DPP10: variants seen among roughly 807,000 people sequenced by gnomAD.
DPP10 encodes dipeptidyl peptidase like 10.
Under a neutral mutation model 120.9 loss-of-function variants are expected in DPP10, and 33 were observed. The ratio of observed to expected loss-of-function variants is 0.27; its 90% CI spans 0.21 to 0.37. The LOEUF (loss-of-function observed/expected upper bound fraction) is 0.37, where lower values mean the gene tolerates loss of function less well. Ranked by LOEUF, DPP10 falls within the 10% of genes least tolerant of loss-of-function variation. The pLI, the probability that DPP10 is intolerant of heterozygous loss-of-function variation, is 1.00. For missense variants in DPP10, 816 were observed against 942.8 expected (o/e 0.87, Z 1.76); for synonymous variants, 337 against 326.1 (o/e 1.03, Z -0.36).
At chr2:115,628,852 C>T (rs2085589311) in intron 5 of DPP10, among the ~76,000 whole-genome samples, 1 of 151,544 alleles carries the variant, frequency 6.6e-6, no homozygotes, top group Non-Finnish European at 1.5e-5. Context: ...TTTTAGGGTA[C>T]ATGTGCACAA....
At chr2:115,338,871 A>G (rs1158620422) in intron 2 of DPP10, among the ~76,000 whole-genome samples, 1 of 152,202 alleles carries the variant, frequency 6.6e-6, no homozygotes, top group East Asian at 1.9e-4. Flanking sequence ...CATAGGAGAA[A>G]GTTTCAAGAC....
intron 2 of DPP10, among the ~76,000 whole-genome samples, chr2:115,339,122 C>T (rs868317296): frequency 3.9e-5 from 6 of 152,094 alleles, no homozygotes; most frequent in African/African-American, 1.2e-4. Flanking sequence ...AACACACCAA[C>T]GAAATAATTC....
chr2:115,048,697 A>G (rs1026283942), intron 1 of DPP10, among the ~76,000 whole-genome samples: 1 of 152,066 alleles, frequency 6.6e-6, no homozygotes, highest in East Asian at 1.9e-4. Flanking sequence ...ATTTTACATA[A>G]CAGTGCACTT....
chr2:114,811,063 C>T (rs1685130878), intron 1 of DPP10, among the ~76,000 whole-genome samples: 1 of 152,164 alleles, frequency 6.6e-6, no homozygotes, highest in South Asian at 2.1e-4. Flanking sequence ...TCTTCTAAGG[C>T]AGAACCAGCA....
intron 1 of DPP10, among the ~76,000 whole-genome samples, chr2:115,095,580 TTTTTG>T (rs775871050): frequency 1.9e-5 from 2 of 103,568 alleles, no homozygotes; most frequent in Non-Finnish European, 4.1e-5. Context: ...TTTGGTTTTT[TTTTTG>T]TTTTTTTTTT....
chr2:114,720,002 G>T (rs1038131450), intron 1 of DPP10, among the ~76,000 whole-genome samples: 3 of 152,118 alleles, frequency 2.0e-5, no homozygotes, highest in African/African-American at 7.2e-5. Flanking sequence ...ATTTGAGTTT[G>T]GTTAATGAAA....
At chr2:115,611,399 T>C (rs539895615) in intron 5 of DPP10, among the ~76,000 whole-genome samples, 129 of 152,310 alleles carry the variant, frequency 8.5e-4, no homozygotes, top group African/African-American at 3.0e-3. Flanking sequence ...ACAGTAATTA[T>C]GGCTTTGCCA....
chr2:115,815,322 T>A (rs748356440), intron 20 of DPP10, among the ~76,000 whole-genome samples: 1 of 152,214 alleles, frequency 6.6e-6, no homozygotes, highest in Non-Finnish European at 1.5e-5. Flanking sequence ...GTTTCACAGA[T>A]ACCATTATCA....
intron 7 of DPP10, among the ~76,000 whole-genome samples, chr2:115,705,095 A>G (rs940882051): frequency 9.2e-5 from 14 of 151,978 alleles, no homozygotes; most frequent in Non-Finnish European, 1.3e-4. Flanking sequence ...AAATTTTATT[A>G]AAACCTCAAA....
At chr2:115,235,092 A>T (rs1156277177) in intron 1 of DPP10, among the ~76,000 whole-genome samples, 1 of 152,178 alleles carries the variant, frequency 6.6e-6, no homozygotes, top group South Asian at 2.1e-4. Flanking sequence ...TTCATTGTGC[A>T]CTTGCTGATT....
At chr2:114,984,347 C>A (rs975207256) in intron 1 of DPP10, among the ~76,000 whole-genome samples, 3 of 152,060 alleles carry the variant, frequency 2.0e-5, no homozygotes, top group Non-Finnish European at 4.4e-5. Flanking sequence ...TTCGCGACTG[C>A]CGCCTTGGGT....
chr2:115,825,302 G>C (rs1438399055), intron 21 of DPP10, among the ~76,000 whole-genome samples: 2 of 152,060 alleles, frequency 1.3e-5, no homozygotes, highest in Non-Finnish European at 2.9e-5. Flanking sequence ...CCCTATTCAG[G>C]TGTCGTTTCC....
chr2:115,196,867 T>C (rs889242660), intron 1 of DPP10, among the ~76,000 whole-genome samples: 1 of 152,148 alleles, frequency 6.6e-6, no homozygotes, highest in African/African-American at 2.4e-5. Context: ...AAAAACACCA[T>C]AACACTGAGC....
At chr2:115,266,976 A>G (rs1220631989) in intron 1 of DPP10, among the ~76,000 whole-genome samples, 1 of 152,138 alleles carries the variant, frequency 6.6e-6, no homozygotes, top group Non-Finnish European at 1.5e-5. Flanking sequence ...AAACTTATTT[A>G]CTTTTTATAG....
intron 2 of DPP10, among the ~76,000 whole-genome samples, chr2:115,314,674 T>C (rs927578914): frequency 3.9e-5 from 6 of 152,142 alleles, no homozygotes; most frequent in Admixed American, 6.6e-5. Flanking sequence ...ACTAATTTCA[T>C]AGGCCATGTT....
intron 1 of DPP10, among the ~76,000 whole-genome samples, chr2:114,604,204 T>C (rs956865746): frequency 6.6e-6 from 1 of 152,004 alleles, no homozygotes; most frequent in Non-Finnish European, 1.5e-5. Flanking sequence ...ATAGACCATA[T>C]GGTTTGCATA....
intron 1 of DPP10, among the ~76,000 whole-genome samples, chr2:114,638,966 A>G (rs1695503488): frequency 6.6e-6 from 1 of 151,886 alleles, no homozygotes; most frequent in Non-Finnish European, 1.5e-5. Context: ...AAAAAGTAAT[A>G]AAATCATGCT....
intron 1 of DPP10, among the ~76,000 whole-genome samples, chr2:114,740,710 G>A (rs1039995003): frequency 3.9e-5 from 6 of 152,066 alleles, no homozygotes; most frequent in African/African-American, 1.4e-4. Context: ...CAGACTAAGT[G>A]AAAAATGAAA....
chr2:115,150,218 C>T (rs2051460578), intron 1 of DPP10, among the ~76,000 whole-genome samples: 1 of 152,200 alleles, frequency 6.6e-6, no homozygotes, highest in African/African-American at 2.4e-5. Flanking sequence ...GCCGCCTGCA[C>T]TCAGTCATTC....
Sources: allele counts gnomAD v4.1 joint callset (sites outside exome capture counted in the v4.1 genomes callset), GRCh38; gene constraint gnomAD v4.1.1; transcripts MANE v1.5; gene names NCBI Gene and HGNC (gene_info 2026-07-23, HGNC 2026-07-21).